CREB5: variants seen among roughly 807,000 people sequenced by gnomAD.
CREB5 encodes cyclic AMP-responsive element-binding protein 5.
Under a neutral mutation model 57.1 loss-of-function variants are expected in CREB5, and 19 were observed. The observed-to-expected ratio is 0.33, with a 90% CI of 0.23 to 0.49. CREB5 has a LOEUF of 0.49. CREB5 is among the 20% of genes least tolerant of loss of function. The pLI is 0.99. For synonymous variants in CREB5, 238 were observed against 238.3 expected (o/e 1.00, Z 0.01); for missense variants, 579 against 671.6 (o/e 0.86, Z 1.52).
chr7:28,637,182 G>A (rs748982230), intron 5 of CREB5, among the ~76,000 whole-genome samples: 4 of 151,768 alleles, frequency 2.6e-5, no homozygotes, highest in Non-Finnish European at 4.4e-5. Flanking sequence ...AGAAAGAAAA[G>A]AAAGGAAAAG....
At chr7:28,358,130 A>C (rs1250631759) in intron 1 of CREB5, among the ~76,000 whole-genome samples, 1 of 152,154 alleles carries the variant, frequency 6.6e-6, no homozygotes, top group Non-Finnish European at 1.5e-5. Flanking sequence ...CAACAACTGA[A>C]GTCCAAAAGA....
chr7:28,609,072 A>G (rs550205492), intron 5 of CREB5: 1 of 152,370 alleles, frequency 6.6e-6, no homozygotes, highest in East Asian at 1.9e-4. Context: ...ACAGAAGTAC[A>G]GCTTTAAATA....
chr7:28,307,991 G>T (rs1249482609), intron 1 of CREB5, among the ~76,000 whole-genome samples: 1 of 152,202 alleles, frequency 6.6e-6, no homozygotes, highest in Non-Finnish European at 1.5e-5. Flanking sequence ...AGGCATAGGT[G>T]ACAGCACTGC....
chr7:28,710,862 T>C (rs7777929), intron 5 of CREB5, among the ~76,000 whole-genome samples: 40,427 of 152,092 alleles, frequency 0.27, 6,067 homozygotes, highest in African/African-American at 0.39. Context: ...GATTCATTGA[T>C]TGAATAGCGA....
chr7:28,663,419 G>A (rs896382131), intron 5 of CREB5, among the ~76,000 whole-genome samples: 1 of 152,042 alleles, frequency 6.6e-6, no homozygotes, highest in Non-Finnish European at 1.5e-5. Flanking sequence ...TGCCCAGGCT[G>A]GTCTCAAACT....
At chr7:28,440,084 G>T (rs1353211729) in intron 1 of CREB5, among the ~76,000 whole-genome samples, 1 of 152,166 alleles carries the variant, frequency 6.6e-6, no homozygotes, top group African/African-American at 2.4e-5. Context: ...ACCTGTCTCA[G>T]GGGTGCAAAA....
At chr7:28,802,861 AAAATC>A (rs1183497213) in intron 7 of CREB5, among the ~76,000 whole-genome samples, 2 of 152,264 alleles carry the variant, frequency 1.3e-5, no homozygotes, top group Non-Finnish European at 2.9e-5. Flanking sequence ...ACTGGGGAAA[AAAATC>A]AAAAGTAGAA....
intron 4 of CREB5, among the ~76,000 whole-genome samples, chr7:28,559,343 G>A (rs1363152253): frequency 6.6e-6 from 1 of 152,122 alleles, no homozygotes; most frequent in East Asian, 1.9e-4. Context: ...TTGAGACGGA[G>A]TCTGGCTGTC....
chr7:28,596,312 A>C (rs961342249), intron 5 of CREB5, among the ~76,000 whole-genome samples: 8 of 152,258 alleles, frequency 5.3e-5, no homozygotes, highest in Non-Finnish European at 8.8e-5. Context: ...TACTCTTTCC[A>C]AAAGACAAAA....
intron 7 of CREB5, among the ~76,000 whole-genome samples, chr7:28,784,228 T>G (rs770415147): frequency 1.2e-4 from 18 of 152,256 alleles, no homozygotes; most frequent in Non-Finnish European, 2.1e-4. Flanking sequence ...TGTTTCCACT[T>G]GCCTGCAGGG....
intron 1 of CREB5, among the ~76,000 whole-genome samples, chr7:28,313,899 G>A (rs2127982277): frequency 6.6e-6 from 1 of 152,246 alleles, no homozygotes; most frequent in African/African-American, 2.4e-5. Context: ...ACCATACAAT[G>A]AGTTTTATTG....
At chr7:28,660,382 T>G (rs986521568) in intron 5 of CREB5, among the ~76,000 whole-genome samples, 1 of 15,194 alleles carries the variant, frequency 6.6e-5, no homozygotes, top group Non-Finnish European at 1.2e-4. Flanking sequence ...CATTCAACAG[T>G]TTTTTTTTTT....
At chr7:28,353,377 A>G (rs536065444) in intron 1 of CREB5, among the ~76,000 whole-genome samples, 2 of 152,314 alleles carry the variant, frequency 1.3e-5, no homozygotes, top group Non-Finnish European at 2.9e-5. Flanking sequence ...GGGTTCTAGG[A>G]GAATCTATGG....
At chr7:28,633,131 T>C (rs2128694629) in intron 5 of CREB5, among the ~76,000 whole-genome samples, 1 of 152,300 alleles carries the variant, frequency 6.6e-6, no homozygotes, top group East Asian at 1.9e-4. Context: ...TATTTACAGA[T>C]TAGTAAACTA....
At chr7:28,464,963 T>C (rs191727634) in intron 1 of CREB5, among the ~76,000 whole-genome samples, 33 of 152,342 alleles carry the variant, frequency 2.2e-4, no homozygotes, top group African/African-American at 7.2e-4. Flanking sequence ...TGGTATGTTA[T>C]GGGACTGGTA....
chr7:28,713,349 T>C (rs1459528358), intron 5 of CREB5, among the ~76,000 whole-genome samples: 2 of 152,238 alleles, frequency 1.3e-5, no homozygotes, highest in East Asian at 1.9e-4. Flanking sequence ...CATAAGCAAA[T>C]ACAAGTGCAA....
At chr7:28,481,140 A>G (rs1791312612) in intron 1 of CREB5, among the ~76,000 whole-genome samples, 1 of 152,156 alleles carries the variant, frequency 6.6e-6, no homozygotes, top group Admixed American at 6.5e-5. Context: ...CCCCTCTGGG[A>G]AGTAAGACCC....
intron 1 of CREB5, among the ~76,000 whole-genome samples, chr7:28,384,082 C>T (rs774014287): frequency 2.6e-5 from 4 of 152,124 alleles, no homozygotes; most frequent in Non-Finnish European, 4.4e-5. Flanking sequence ...TTTGCACAGA[C>T]GGCCATCTGA....
At position 28,540,212 on chromosome 7, in the gene CREB5, T is replaced by G. The variant is rs1373468744; in HGVS notation, c.292-30153T>G. On this transcript the variant is annotated intron_variant, in intron 4 of 10. Transcript: ENST00000357727. Reference sequence around the variant, plus strand: ...ATTTTTCTGAGTATCCTAAATCTCCTTGGGTGCCCTGTAAATCCACAATTT... The same window carrying G: ...ATTTTTCTGAGTATCCTAAATCTCCGTGGGTGCCCTGTAAATCCACAATTT... Among the ~76,000 whole-genome samples the G allele has an allele frequency of 2.0e-5, 3 of 152,360 alleles. No homozygotes were observed. In the East Asian group the frequency reaches 5.8e-4, roughly 29 times the overall value.
Sources: gnomAD v4.1 joint callset for allele counts (sites outside exome capture counted in the v4.1 genomes callset) on GRCh38, gnomAD v4.1.1 for gene constraint, MANE v1.5 for transcripts, NCBI Gene and HGNC (gene_info 2026-07-23, HGNC 2026-07-21) for gene names.